CNTN3: variants seen among roughly 807,000 people sequenced by gnomAD.
The protein encoded by CNTN3 is contactin 3.
CNTN3 carries 60 observed loss-of-function variants against 119.1 expected under a neutral mutation model. The observed-to-expected ratio is 0.50, with a 90% CI of 0.41 to 0.62. CNTN3 has a LOEUF of 0.62. CNTN3 is among the 20% of genes least tolerant of loss of function. The probability of loss-of-function intolerance (pLI) is 0.00; values close to 1 mark genes in which losing one functional copy is unlikely to be tolerated. For missense variants in CNTN3, 1,101 were observed against 1,242.4 expected (o/e 0.89, Z 1.71); for synonymous variants, 450 against 438.7 (o/e 1.03, Z -0.32).
intron 3 of CNTN3, among the ~76,000 whole-genome samples, chr3:74,489,808 GA>G (rs1702929350): frequency 6.6e-6 from 1 of 152,120 alleles, no homozygotes; most frequent in Admixed American, 6.6e-5. Flanking sequence ...ATATAAAATG[GA>G]GAGAATGCCA....
chr3:74,389,292 G>A (rs1704834821), intron 5 of CNTN3, among the ~76,000 whole-genome samples: 1 of 152,088 alleles, frequency 6.6e-6, no homozygotes, highest in South Asian at 2.1e-4. Context: ...ATAGGTAAGA[G>A]CTTTCTAGTT....
At chr3:74,596,296 A>G (rs1271761655) in intron 1 of CNTN3, among the ~76,000 whole-genome samples, 1 of 152,136 alleles carries the variant, frequency 6.6e-6, no homozygotes, top group African/African-American at 2.4e-5. Flanking sequence ...CATCCCCATC[A>G]AGCTACCAAT....
intron 2 of CNTN3, among the ~76,000 whole-genome samples, chr3:74,508,307 G>T (rs185345166): frequency 1.1e-3 from 174 of 152,092 alleles, no homozygotes; most frequent in Middle Eastern, 3.4e-3. Flanking sequence ...GTTTCCTGAG[G>T]CCTCCTCAGC....
At chr3:74,407,584 C>A (rs1256583503) in intron 5 of CNTN3, among the ~76,000 whole-genome samples, 6 of 143,442 alleles carry the variant, frequency 4.2e-5, no homozygotes, top group Non-Finnish European at 8.9e-5. Context: ...AGCCAAATAT[C>A]CTTAGCGGAA....
chr3:74,298,005 C>G lies in CNTN3; in HGVS notation c.2353G>C (p.Gly785Arg). The G allele has an allele frequency of 6.2e-7, 1 of 1,614,036 alleles. No homozygotes were observed. Among genetic ancestry groups the G allele is most frequent in the Non-Finnish European group, 8.5e-7 (1 of 1,179,946 alleles). Residue 785 changes from glycine (G) to arginine (R), a missense_variant, in exon 18 of 23, where the codon GGT becomes CGT. Coordinates refer to ENST00000263665, the MANE Select transcript of CNTN3 (RefSeq NM_020872.3). ...GTCACTGGGCTAAATGGTCCTTCAC[C>G]TTTGTTATTATAAACACCCACTTTA... ...EVKVGVYNNK[G>R]EGPFSPVTTV...
chr3:74,292,823 A>C (rs774313488), intron 19 of CNTN3, among the ~76,000 whole-genome samples: 1 of 152,134 alleles, frequency 6.6e-6, no homozygotes, highest in African/African-American at 2.4e-5. Context: ...TCCAGCCCCT[A>C]TATCTTTACC....
intron 1 of CNTN3, among the ~76,000 whole-genome samples, chr3:74,562,264 C>G (rs1032492387): frequency 2.0e-5 from 3 of 152,176 alleles, no homozygotes; most frequent in Admixed American, 6.6e-5. Flanking sequence ...CAAAGTTTTA[C>G]AAAGTCAGAA....
chr3:74,493,470 C>T lies in CNTN3; in HGVS notation c.182+6189G>A, dbSNP rs1169411791. On this transcript the variant is annotated intron_variant, in intron 3 of 22. Coordinates refer to ENST00000263665, the MANE Select transcript of CNTN3 (RefSeq NM_020872.3). ...AAACAACATTCTAGAGAGAAACAAA[C>T]GTTGCATTTTAAACTTCAGCATGAA... 2.6e-5 allele frequency among the ~76,000 whole-genome samples: 4 copies of T among 152,102 alleles called. 1 individual carries two copies. The South Asian group carries it at 6.2e-4, about 24-fold the overall frequency.
chr3:74,324,427 T>C (rs1703081049), intron 13 of CNTN3, among the ~76,000 whole-genome samples: 1 of 152,056 alleles, frequency 6.6e-6, no homozygotes. Flanking sequence ...GCCAGGCTGG[T>C]TGGCCTCAGC....
At chr3:74,607,644 A>G (rs540614892) in intron 1 of CNTN3, among the ~76,000 whole-genome samples, 2 of 152,212 alleles carry the variant, frequency 1.3e-5, no homozygotes, top group Non-Finnish European at 2.9e-5. Flanking sequence ...CCTGGCTTAT[A>G]AAATCCCAAG....
In CNTN3 at chr3:74,502,821, T is replaced by C. The variant is rs921831728; in HGVS notation, c.56-3036A>G. 2.6e-5 allele frequency among the ~76,000 whole-genome samples: 4 copies of C among 152,234 alleles called. No individual in the cohort carries two copies. In the East Asian group the frequency reaches 5.8e-4, roughly 22 times the overall value. ...CCTTCATTTCCACCAGTCACAGATA[T>C]CAAAGCACATCTCACAACCTTACGA... On this transcript the variant is annotated intron_variant, in intron 2 of 22. Coordinates refer to ENST00000263665, the MANE Select transcript of CNTN3 (RefSeq NM_020872.3).
At chr3:74,451,156 C>T (rs1456766416) in intron 4 of CNTN3, among the ~76,000 whole-genome samples, 1 of 152,068 alleles carries the variant, frequency 6.6e-6, no homozygotes, top group Admixed American at 6.6e-5. Context: ...CCTATTTCTC[C>T]ACATCCTCTC....
chr3:74,501,591 A>C (rs1703167046), intron 2 of CNTN3, among the ~76,000 whole-genome samples: 1 of 152,056 alleles, frequency 6.6e-6, no homozygotes, highest in Non-Finnish European at 1.5e-5. Context: ...ATAGTTTAGA[A>C]ACTTCTTAAA....
chr3:74,329,433 A>C (rs1013410844), intron 13 of CNTN3, among the ~76,000 whole-genome samples: 6 of 152,206 alleles, frequency 3.9e-5, no homozygotes, highest in Admixed American at 2.0e-4. Context: ...TTTCTAAAGT[A>C]ACTGCACCAC....
intron 10 of CNTN3, 32 bp downstream of exon 10, chr3:74,364,435 A>G: frequency 6.3e-7 from 1 of 1,592,068 alleles, no homozygotes; most frequent in South Asian, 1.1e-5. Context: ...AAGACAAAAA[A>G]TTAAGAGAAG....
At chr3:74,380,936 C>T (rs1196031782) in intron 5 of CNTN3, among the ~76,000 whole-genome samples, 1 of 152,078 alleles carries the variant, frequency 6.6e-6, no homozygotes, top group Non-Finnish European at 1.5e-5. Flanking sequence ...AATAAAATGT[C>T]CATTTTCACT....
intron 2 of CNTN3, among the ~76,000 whole-genome samples, chr3:74,513,115 T>G (rs948155667): frequency 1.3e-5 from 2 of 152,118 alleles, no homozygotes; most frequent in African/African-American, 4.8e-5. Context: ...CTCCCTTTAC[T>G]TACTGGGTGA....
At chr3:74,295,032 A>T (rs1258217232) in intron 19 of CNTN3, 89 bp downstream of exon 19, 1 of 837,242 alleles carries the variant, frequency 1.2e-6, no homozygotes, top group East Asian at 2.6e-5. Flanking sequence ...ACAGACTTCA[A>T]ATAAGAGGTC....
intron 4 of CNTN3, among the ~76,000 whole-genome samples, chr3:74,460,814 T>C (rs1702352957): frequency 9.3e-6 from 1 of 107,028 alleles, no homozygotes; most frequent in African/African-American, 3.5e-5. Context: ...TATATATATA[T>C]ATATGCCTTT....
Sources: allele counts gnomAD v4.1 joint callset (sites outside exome capture counted in the v4.1 genomes callset), GRCh38; gene constraint gnomAD v4.1.1; transcripts MANE v1.5; gene names NCBI Gene and HGNC (gene_info 2026-07-23, HGNC 2026-07-21).